Variants in LRIT3 observed in about 807,000 individuals in gnomAD.
LRIT3 encodes leucine rich repeat, Ig-like and transmembrane domains 3.
A neutral mutation model predicts 22.6 loss-of-function variants in LRIT3; 14 were observed. That is an observed-to-expected ratio of 0.62 (90% CI 0.41 to 0.97). The LOEUF is 0.97. LRIT3 is among the 50% of genes least tolerant of loss of function. The probability of loss-of-function intolerance (pLI) is 0.00; values close to 1 mark genes in which losing one functional copy is unlikely to be tolerated. For missense variants in LRIT3, 783 were observed against 803.0 expected, an observed-to-expected ratio of 0.98 and a Z score of 0.30; for synonymous variants, 306 against 304.5, an observed-to-expected ratio of 1.01 and a Z score of -0.05.
Position 109,848,382 on chromosome 4 carries a change from G to C in LRIT3, c.116+65G>C, listed in dbSNP as rs1012409646. Reference sequence around the variant, plus strand: ...TGACAAAAAGGACCCAAACAAGAAAGCCTACTTTTGAAAGCAAATGTTTGG... The same window carrying C: ...TGACAAAAAGGACCCAAACAAGAAACCCTACTTTTGAAAGCAAATGTTTGG... On this transcript the variant is annotated intron_variant, in intron 1 of 3. Coordinates refer to ENST00000594814, the MANE Select transcript of LRIT3 (RefSeq NM_198506.5). 8.8e-5 allele frequency: 79 copies of C among 892,802 alleles called. No homozygotes were observed. In the East Asian group the frequency reaches 2.6e-3, roughly 30 times the overall value. 55.3% of individuals were successfully genotyped at this position (892,802 alleles called of 1,614,324 possible).
In LRIT3 at chr4:109,851,982, C is replaced by A; in HGVS notation, c.589+6C>A. 1 of 1,527,956 alleles carries A rather than the reference C, an allele frequency of 6.5e-7. No homozygotes were observed. Among genetic ancestry groups the A allele is most frequent in the South Asian group, 1.3e-5 (1 of 79,892 alleles). The allele number at this position is 1,527,956 out of a possible 1,614,324, so 94.6% of individuals were successfully genotyped here. A position where few individuals can be genotyped will look rare whatever the true frequency, so the allele number is the denominator to read the frequency against. ...CCCAAGCAGGATTATTCTTGGTAAG[C>A]TCGCAAGCCTCTGGGCTTTTCATCT... On this transcript the variant is annotated splice_donor_region_variant and intron_variant, in intron 2 of 3. Coordinates refer to ENST00000594814, the MANE Select transcript of LRIT3 (RefSeq NM_198506.5).
In LRIT3 at chr4:109,869,928, C is replaced by T. The variant is rs938008451; in HGVS notation, c.1179C>T (p.Pro393=). 1.9e-6 allele frequency: 3 copies of T among 1,613,732 alleles called. No homozygotes were observed. Among genetic ancestry groups the T allele is most frequent in the East Asian group, 2.2e-5 (1 of 44,888 alleles). ...SSYLWSSSFS[P]TSSFSASTLS... ...ATCTTTGGTCCTCTTCCTTCTCCCC[C>T]ACATCTTCTTTTTCTGCTTCTACTT... The change falls in exon 4 of 4, where the codon CCC becomes CCT. Residue 393 remains proline, a synonymous_variant. Coordinates refer to ENST00000594814, the MANE Select transcript of LRIT3 (RefSeq NM_198506.5).
rs139822530 is a variant in LRIT3, at chr4:109,851,916, A to G, written c.529A>G (p.Thr177Ala). ...GCCACCAGATTTCCTGGAGAGCTGG[A>G]CTCATTTAGTTTCAACACCTTCTGG... is the stretch of plus-strand genomic sequence containing the variant. ...TLPPDFLESW[T>A]HLVSTPSGVL... Residue 177 changes from threonine to alanine, a missense_variant, in exon 2 of 4, where the codon ACT (threonine) becomes GCT (alanine). By Grantham distance (58) the Thr-to-Ala change is moderately conservative. This residue lies in a region of LRIT3 where 756 missense variants were observed against 753.8 expected (regional missense o/e 1.00). Coordinates refer to ENST00000594814, the MANE Select transcript of LRIT3 (RefSeq NM_198506.5). 211 of 1,551,554 alleles carry G rather than the reference A, an allele frequency of 1.4e-4. 1 individual carries two copies. The African/African-American group carries it at 2.4e-3, about 18-fold the overall frequency.
At chr4:109,867,994 G>A in intron 3 of LRIT3, 48 bp downstream of exon 3, 1 of 1,538,942 alleles carries the variant, frequency 6.5e-7, no homozygotes, top group African/African-American at 1.4e-5. Flanking sequence ...ACTAAGCTTT[G>A]AAGTTAACAT....
At chr4:109,850,422 C>CCTTCCTTCCTTCCTTCCTTCTTTCTTT (rs66553123) in intron 1 of LRIT3, among the ~76,000 whole-genome samples, 7 of 55,088 alleles carry the variant, frequency 1.3e-4, no homozygotes, top group Admixed American at 1.9e-4. Context: ...TTCCTTCCTT[C>CCTTCCTTCCTTCCTTCCTTCTTTCTTT]CTTTCTTTCT....
chr4:109,865,397 G>A, intron 2 of LRIT3: 2 of 1,192,748 alleles, frequency 1.7e-6, no homozygotes, highest in Non-Finnish European at 2.4e-6. Context: ...GTATCTGGTG[G>A]TGAAATGGGT....
intron 1 of LRIT3, among the ~76,000 whole-genome samples, chr4:109,849,707 G>A (rs937668491): frequency 1.3e-5 from 2 of 152,168 alleles, no homozygotes; most frequent in Non-Finnish European, 2.9e-5. Flanking sequence ...CCATCTCCCG[G>A]GCTCAAGCAA....
At chr4:109,862,364 T>G (rs1734566502) in intron 2 of LRIT3, among the ~76,000 whole-genome samples, 1 of 152,194 alleles carries the variant, frequency 6.6e-6, no homozygotes, top group South Asian at 2.1e-4. Context: ...ACAGTTTAAC[T>G]TGAGAGAGTT....
At chr4:109,850,323 A>G (rs1734178145) in intron 1 of LRIT3, among the ~76,000 whole-genome samples, 1 of 151,090 alleles carries the variant, frequency 6.6e-6, no homozygotes, top group South Asian at 2.1e-4. Context: ...CAGATTCCTC[A>G]TACTTTAAAT....
chr4:109,868,497 G>T (rs1248531512), intron 3 of LRIT3, among the ~76,000 whole-genome samples: 5 of 150,392 alleles, frequency 3.3e-5, no homozygotes, highest in African/African-American at 9.8e-5. Flanking sequence ...CTTGAATTTG[G>T]GGGGTGGAGG....
chr4:109,871,157 C>G lies in LRIT3; in HGVS notation c.*368C>G, dbSNP rs146742882. ...GGAAACATTAGCAAAACCAGCTAAGCCTTGATGTTTATTCATGTTCGAAGT... is the reference window on the plus strand; with the variant it reads ...GGAAACATTAGCAAAACCAGCTAAGGCTTGATGTTTATTCATGTTCGAAGT... On this transcript the variant is annotated 3_prime_UTR_variant, in exon 4 of 4. Transcript: ENST00000594814. The G allele has an allele frequency of 6.1e-6, 1 of 165,100 alleles. No homozygotes were observed. The highest frequency in any genetic ancestry group is 1.8e-4 in the East Asian group (1 of 5,698). 10.2% of individuals were successfully genotyped at this position (165,100 alleles called of 1,614,324 possible).
intron 2 of LRIT3, among the ~76,000 whole-genome samples, chr4:109,854,888 T>C (rs929859251): frequency 5.3e-5 from 8 of 152,228 alleles, no homozygotes; most frequent in Non-Finnish European, 7.3e-5. Context: ...GATTTGCATA[T>C]GTTGAACAAG....
At chr4:109,850,727 T>C (rs772818743) in intron 1 of LRIT3, among the ~76,000 whole-genome samples, 6 of 151,940 alleles carry the variant, frequency 3.9e-5, no homozygotes, top group Non-Finnish European at 4.4e-5. Flanking sequence ...TCTGCCCACC[T>C]TGACCTCCCA....
chr4:109,852,145 G>GTC, intron 2 of LRIT3, among the ~76,000 whole-genome samples, 169 bp downstream of exon 2: 1 of 152,282 alleles, frequency 6.6e-6, no homozygotes, highest in East Asian at 1.9e-4. Context: ...TTTCTCCTGT[G>GTC]TAAGGTGTAA....
intron 2 of LRIT3, among the ~76,000 whole-genome samples, chr4:109,864,726 A>G (rs930448561): frequency 2.0e-5 from 3 of 152,206 alleles, no homozygotes; most frequent in Non-Finnish European, 4.4e-5. Context: ...AAAGGATTTC[A>G]GCCTTTGGAA....
intron 1 of LRIT3, among the ~76,000 whole-genome samples, chr4:109,850,422 C>CCTTT (rs1251866042): frequency 5.8e-4 from 32 of 55,100 alleles, no homozygotes; most frequent in African/African-American, 1.4e-3. Flanking sequence ...TTCCTTCCTT[C>CCTTT]CTTTCTTTCT....
At chr4:109,851,184 A>G (rs1409060099) in intron 1 of LRIT3, 9 of 197,664 alleles carry the variant, frequency 4.6e-5, no homozygotes, top group Non-Finnish European at 8.2e-5. Context: ...AGTAGCAGCA[A>G]ATACCTACTG....
chr4:109,851,388 T>C (rs1016091685), intron 1 of LRIT3, 116 bp from the exon 2 acceptor site: 1 of 1,381,336 alleles, frequency 7.2e-7, no homozygotes, highest in Non-Finnish European at 9.6e-7. Flanking sequence ...GTGCTGGGAT[T>C]ACAGGCGTGA....
At chr4:109,859,806 G>A (rs973050286) in intron 2 of LRIT3, among the ~76,000 whole-genome samples, 30 of 152,138 alleles carry the variant, frequency 2.0e-4, no homozygotes, top group Admixed American at 5.2e-4. Context: ...AGCACATCAC[G>A]CATGTTGGCT....
Sources: gnomAD v4.1 joint callset for allele counts (sites outside exome capture counted in the v4.1 genomes callset) on GRCh38, gnomAD v4.1.1 for gene constraint, gnomAD v4.1.1 regional missense constraint, MANE v1.5 for transcripts, NCBI Gene and HGNC (gene_info 2026-07-23, HGNC 2026-07-21) for gene names.